FOXP1: variants seen among roughly 807,000 people sequenced by gnomAD.
FOXP1 encodes forkhead box protein P1.
FOXP1 carries 15 observed loss-of-function variants against 98.2 expected under a neutral mutation model. The ratio of observed to expected loss-of-function variants is 0.15; its 90% confidence interval spans 0.10 to 0.24. The LOEUF (loss-of-function observed/expected upper bound fraction) is 0.24. Among genes scored for constraint, FOXP1 ranks in the 10% least tolerant of loss-of-function variants. The pLI is 1.00. For synonymous variants in FOXP1, 371 were observed against 314.5 expected (o/e 1.18, Z -1.90); for missense variants, 633 against 848.5 (o/e 0.75, Z 3.15).
chr3:71,151,660 A>ATTTTTTT (rs71104420), intron 6 of FOXP1, among the ~76,000 whole-genome samples: 1 of 140,102 alleles, frequency 7.1e-6, no homozygotes, highest in East Asian at 2.1e-4. Context: ...TGTCTAAAAC[A>ATTTTTTT]TTTTTTTTTT....
intron 2 of FOXP1, among the ~76,000 whole-genome samples, chr3:71,550,342 G>A (rs911223184): frequency 5.9e-5 from 9 of 152,148 alleles, no homozygotes; most frequent in East Asian, 1.9e-4. Flanking sequence ...GCTGTTGACC[G>A]TGAGCTAATA....
intron 3 of FOXP1, among the ~76,000 whole-genome samples, chr3:71,367,793 A>G (rs1415728564): frequency 1.3e-5 from 2 of 152,350 alleles, no homozygotes; most frequent in East Asian, 1.9e-4. Context: ...CTTAAGAAAT[A>G]AGAATTTGAC....
chr3:71,109,124 C>T (rs907121343), intron 7 of FOXP1, among the ~76,000 whole-genome samples: 2 of 152,158 alleles, frequency 1.3e-5, no homozygotes, highest in African/African-American at 4.8e-5. Context: ...CCGATTAATG[C>T]CTTCATTAAT....
At chr3:71,305,916 G>C (rs1265971614) in intron 4 of FOXP1, 2 of 152,590 alleles carry the variant, frequency 1.3e-5, no homozygotes, top group African/African-American at 4.8e-5. Context: ...GGGCGGGAGA[G>C]GCAATTTTCA....
intron 4 of FOXP1, among the ~76,000 whole-genome samples, chr3:71,337,394 A>T (rs960582633): frequency 2.0e-5 from 3 of 152,238 alleles, no homozygotes; most frequent in African/African-American, 7.2e-5. Context: ...CTCAGTAGAC[A>T]ATGGCTACCT....
intron 5 of FOXP1, among the ~76,000 whole-genome samples, chr3:71,255,606 C>T (rs1235031123): frequency 6.6e-6 from 1 of 152,102 alleles, no homozygotes; most frequent in African/African-American, 2.4e-5. Flanking sequence ...TGGGGAGATG[C>T]TTCCAGGGTA....
intron 12 of FOXP1, among the ~76,000 whole-genome samples, chr3:71,009,289 T>G (rs1361129450): frequency 6.6e-6 from 1 of 150,702 alleles, no homozygotes; most frequent in Non-Finnish European, 1.5e-5. Flanking sequence ...CAGCTAAAAA[T>G]ATGTTGGTGA....
intron 11 of FOXP1, among the ~76,000 whole-genome samples, chr3:71,020,268 A>G (rs1310517749): frequency 6.6e-6 from 1 of 152,214 alleles, no homozygotes; most frequent in Non-Finnish European, 1.5e-5. Context: ...CTGACATTAA[A>G]TGATACCAAA....
At chr3:71,266,803 G>T (rs1036568755) in intron 5 of FOXP1, among the ~76,000 whole-genome samples, 1 of 152,086 alleles carries the variant, frequency 6.6e-6, no homozygotes, top group Admixed American at 6.5e-5. Context: ...GCTCCCACTT[G>T]TAAGTGAGAA....
At position 71,294,972 on chromosome 3, in the gene FOXP1, T is replaced by C. The variant is rs531357438; in HGVS notation, c.-12+4848A>G. Among the ~76,000 whole-genome samples, 26 of 152,308 alleles carry C rather than the reference T, an allele frequency of 1.7e-4. 1 individual carries two copies. In the South Asian group the frequency reaches 4.4e-3, roughly 26 times the overall value. ...GAAAGATCTGCCCAGACAAGCTACA[T>C]TGGTCTGGTTGTTTCACGAGAGAAG... On this transcript the variant is annotated intron_variant, in intron 5 of 20. Coordinates refer to ENST00000649528, the MANE Select transcript of FOXP1 (RefSeq NM_001349338.3).
chr3:71,406,937 G>A (rs2082388173), intron 3 of FOXP1, among the ~76,000 whole-genome samples: 1 of 152,040 alleles, frequency 6.6e-6, no homozygotes, highest in Non-Finnish European at 1.5e-5. Context: ...CACACCAGGG[G>A]CTCAACAGAT....
At chr3:71,189,194 G>A (rs935850470) in intron 6 of FOXP1, among the ~76,000 whole-genome samples, 2 of 152,038 alleles carry the variant, frequency 1.3e-5, no homozygotes, top group African/African-American at 2.4e-5. Flanking sequence ...CACAACATAC[G>A]CTCCCCCACC....
intron 7 of FOXP1, among the ~76,000 whole-genome samples, chr3:71,054,192 C>T (rs2050302828): frequency 6.6e-6 from 1 of 152,330 alleles, no homozygotes; most frequent in South Asian, 2.1e-4. Context: ...TATGAGCACA[C>T]TTGCTCTGTG....
chr3:71,559,309 G>A (rs913332228), intron 2 of FOXP1, among the ~76,000 whole-genome samples: 3 of 152,192 alleles, frequency 2.0e-5, no homozygotes, highest in Non-Finnish European at 4.4e-5. Flanking sequence ...TCTGTAACAT[G>A]GGAATGAAAA....
At chr3:71,397,285 T>G (rs1375716661) in intron 3 of FOXP1, among the ~76,000 whole-genome samples, 1 of 151,666 alleles carries the variant, frequency 6.6e-6, no homozygotes, top group Non-Finnish European at 1.5e-5. Flanking sequence ...GAGATCTAAC[T>G]GGATTCCAAA....
intron 11 of FOXP1, among the ~76,000 whole-genome samples, chr3:71,033,474 G>C (rs1435146318): frequency 1.3e-5 from 2 of 151,986 alleles, no homozygotes; most frequent in Non-Finnish European, 2.9e-5. Context: ...ACAATAAATA[G>C]AAAGAGATTT....
rs183488443 is a variant in FOXP1 at position 71,498,328 on chromosome 3, G to A, written c.-297-4773C>T. Among the ~76,000 whole-genome samples the A allele has an allele frequency of 8.3e-4, 127 of 152,314 alleles. 1 individual carries two copies. The highest frequency in any genetic ancestry group is 2.2e-4 in the Non-Finnish European group (15 of 68,032). ...TGCTCAGTACAAAAGTCTGCAGGGAGCTAGAAAGAGCAGCTGTGGTTCCCT... is the reference window on the plus strand; with the variant it reads ...TGCTCAGTACAAAAGTCTGCAGGGAACTAGAAAGAGCAGCTGTGGTTCCCT... On this transcript the variant is annotated intron_variant, in intron 2 of 20. Transcript: ENST00000649528.
intron 5 of FOXP1, among the ~76,000 whole-genome samples, chr3:71,207,201 A>G (rs561295463): frequency 6.2e-4 from 95 of 152,322 alleles, no homozygotes; most frequent in Non-Finnish European, 1.2e-3. Flanking sequence ...GAATTCTCAC[A>G]AATAGCCCAG....
At chr3:71,453,495 A>G (rs1431363098) in intron 3 of FOXP1, among the ~76,000 whole-genome samples, 2 of 152,214 alleles carry the variant, frequency 1.3e-5, no homozygotes, top group Non-Finnish European at 2.9e-5. Context: ...GCCGCATCAA[A>G]GGATAGGCTG....
Sources: allele counts gnomAD v4.1 joint callset (sites outside exome capture counted in the v4.1 genomes callset), GRCh38; gene constraint gnomAD v4.1.1; transcripts MANE v1.5; gene names NCBI Gene and HGNC (gene_info 2026-07-23, HGNC 2026-07-21).